Variants in DSCAML1 observed in about 807,000 individuals in gnomAD.
DSCAML1 encodes cell adhesion molecule DSCAML1.
Under a neutral mutation model 200.5 loss-of-function variants are expected in DSCAML1, and 38 were observed. The observed-to-expected ratio is 0.19, with a 90% CI of 0.15 to 0.25. DSCAML1 has a LOEUF of 0.25. Among genes scored for constraint, DSCAML1 ranks in the 10% least tolerant of loss-of-function variants. The pLI, the probability that DSCAML1 is intolerant of heterozygous loss-of-function variation, is 1.00. For missense variants in DSCAML1, 2,223 were observed against 2,858.8 expected, an observed-to-expected ratio of 0.78 and a Z score of 5.07; for synonymous variants, 1,215 against 1,165.0, an observed-to-expected ratio of 1.04 and a Z score of -0.87.
chr11:117,675,696 C>A lies in DSCAML1; in HGVS notation c.511+101095G>T, dbSNP rs561179175. Among the ~76,000 whole-genome samples the A allele has an allele frequency of 2.4e-4, 37 of 152,038 alleles. 2 individuals carry two copies. The South Asian group carries it at 7.7e-3, about 32-fold the overall frequency. On this transcript the variant is annotated intron_variant, in intron 3 of 32. Coordinates refer to ENST00000651296, the MANE Select transcript of DSCAML1 (RefSeq NM_020693.4). ...GGTTGGTTTTCTAAGTGCAGGTCCC[C>A]CCTTTCCCCCCAGCAAAGGCCAAAA...
chr11:117,814,501 C>G (rs976602924), intron 1 of DSCAML1, among the ~76,000 whole-genome samples: 1 of 152,230 alleles, frequency 6.6e-6, no homozygotes, highest in East Asian at 1.9e-4. Flanking sequence ...GGAGCAGGGA[C>G]AGGGGTGGTC....
chr11:117,641,244 GCCACC>G (rs2052400144), intron 3 of DSCAML1, among the ~76,000 whole-genome samples: 3 of 152,332 alleles, frequency 2.0e-5, no homozygotes, highest in Admixed American at 2.0e-4. Context: ...ATCGCTGGGT[GCCACC>G]TTCTCCCCAC....
At chr11:117,566,214 G>A (rs1288907332) in intron 3 of DSCAML1, among the ~76,000 whole-genome samples, 2 of 152,186 alleles carry the variant, frequency 1.3e-5, no homozygotes, top group Non-Finnish European at 2.9e-5. Flanking sequence ...CTGGTCCTGT[G>A]ACAGAAGTCA....
intron 3 of DSCAML1, among the ~76,000 whole-genome samples, chr11:117,625,334 A>G (rs557940771): frequency 1.1e-4 from 17 of 151,734 alleles, no homozygotes; most frequent in African/African-American, 3.6e-4. Context: ...TTATTCCACA[A>G]TGAGAGATAA....
intron 3 of DSCAML1, among the ~76,000 whole-genome samples, chr11:117,612,266 C>T (rs150237496): frequency 4.4e-4 from 67 of 152,346 alleles, no homozygotes; most frequent in African/African-American, 1.3e-3. Context: ...TCTTCCCCAC[C>T]GCCTCCCTGT....
At chr11:117,537,641 G>T (rs551885799) in intron 3 of DSCAML1, among the ~76,000 whole-genome samples, 119 of 152,300 alleles carry the variant, frequency 7.8e-4, no homozygotes, top group Middle Eastern at 3.4e-3. Flanking sequence ...GTTTAAATGG[G>T]GTCCTCCTGG....
intron 3 of DSCAML1, among the ~76,000 whole-genome samples, chr11:117,667,599 A>C (rs1307070081): frequency 6.6e-6 from 1 of 151,022 alleles, no homozygotes; most frequent in Non-Finnish European, 1.5e-5. Context: ...CTTCTTCCCA[A>C]CTCTTCCTTC....
intron 3 of DSCAML1, among the ~76,000 whole-genome samples, chr11:117,718,373 G>A (rs543874390): frequency 3.9e-5 from 6 of 152,352 alleles, no homozygotes; most frequent in African/African-American, 1.4e-4. Context: ...GGGGTGAAAG[G>A]GGTTATGGGT....
At chr11:117,575,186 C>T (rs1005476178) in intron 3 of DSCAML1, among the ~76,000 whole-genome samples, 1 of 152,110 alleles carries the variant, frequency 6.6e-6, no homozygotes, top group African/African-American at 2.4e-5. Flanking sequence ...AGTGAAACTC[C>T]ATTTCAAAAA....
rs1786031999 is a variant in DSCAML1, at chr11:117,521,212, C to T, written c.1131G>A (p.Gln377=). 1.9e-6 allele frequency: 3 copies of T among 1,614,162 alleles called. No individual in the cohort carries two copies. Among genetic ancestry groups the T allele is most frequent in the South Asian group, 2.2e-5 (2 of 91,084 alleles). The change falls in exon 6 of 33, where the codon CAG becomes CAA. Residue 377 remains glutamine (Q), a synonymous_variant. Transcript: ENST00000651296. ...SNETLLITSA[Q]KSHSGAYQCF... ...ACTGGTAGGCCCCGGAATGGCTCTT[C>T]TGGGCCGAGGTGATGAGCAGCGTCT...
chr11:117,470,192 T>C (rs1336218640), intron 15 of DSCAML1, among the ~76,000 whole-genome samples: 2 of 152,202 alleles, frequency 1.3e-5, no homozygotes, highest in South Asian at 2.1e-4. Context: ...GCTGAAAATA[T>C]AGCAAACAAT....
chr11:117,792,819 A>T (rs1164242498), intron 1 of DSCAML1, among the ~76,000 whole-genome samples: 1 of 152,042 alleles, frequency 6.6e-6, no homozygotes, highest in Non-Finnish European at 1.5e-5. Flanking sequence ...CCACATCCCA[A>T]GTTTGGTCTA....
intron 3 of DSCAML1, among the ~76,000 whole-genome samples, chr11:117,603,630 G>T (rs1354218716): frequency 6.6e-6 from 1 of 152,156 alleles, no homozygotes; most frequent in Admixed American, 6.5e-5. Flanking sequence ...TGTCATAAAG[G>T]TAATATAGCA....
chr11:117,513,964 T>C (rs1463513358), intron 8 of DSCAML1, among the ~76,000 whole-genome samples: 2 of 152,160 alleles, frequency 1.3e-5, no homozygotes, highest in African/African-American at 4.8e-5. Flanking sequence ...GTTCAGTCCT[T>C]CCAGCTGGCC....
At chr11:117,614,069 C>A (rs2051758405) in intron 3 of DSCAML1, among the ~76,000 whole-genome samples, 1 of 152,044 alleles carries the variant, frequency 6.6e-6, no homozygotes. Context: ...AGGAAAGGGG[C>A]TACAGGGAAG....
chr11:117,673,676 C>G (rs1690200572), intron 3 of DSCAML1, among the ~76,000 whole-genome samples: 1 of 152,228 alleles, frequency 6.6e-6, no homozygotes, highest in Admixed American at 6.5e-5. Context: ...CCGATTTAAT[C>G]AGCCTGTGAT....
chr11:117,502,240 G>A (rs527834151), intron 11 of DSCAML1, among the ~76,000 whole-genome samples: 1 of 152,254 alleles, frequency 6.6e-6, no homozygotes, highest in African/African-American at 2.4e-5. Flanking sequence ...TGTGTCCTCC[G>A]GCACCCGCGA....
At chr11:117,741,631 G>A (rs1436880358) in intron 3 of DSCAML1, among the ~76,000 whole-genome samples, 1 of 152,208 alleles carries the variant, frequency 6.6e-6, no homozygotes, top group African/African-American at 2.4e-5. Context: ...ATAGTAATTA[G>A]GGAAGGTGGA....
intron 3 of DSCAML1, among the ~76,000 whole-genome samples, chr11:117,618,247 T>C (rs1230286261): frequency 6.6e-6 from 1 of 152,198 alleles, no homozygotes; most frequent in East Asian, 1.9e-4. Context: ...CAGATGGTTG[T>C]TGAGTCTTTG....
Sources: gnomAD v4.1 joint callset for allele counts (sites outside exome capture counted in the v4.1 genomes callset) on GRCh38, gnomAD v4.1.1 for gene constraint, MANE v1.5 for transcripts, NCBI Gene and HGNC (gene_info 2026-07-23, HGNC 2026-07-21) for gene names.